Variants in WDR70 observed in about 807,000 individuals in gnomAD.
WDR70 encodes the protein WD repeat-containing protein 70.
Under a neutral mutation model 88.6 loss-of-function variants are expected in WDR70, and 53 were observed. That is an observed-to-expected ratio of 0.60 (90% confidence interval 0.48 to 0.75). The LOEUF (loss-of-function observed/expected upper bound fraction) is 0.75, where lower values mean the gene tolerates loss of function less well. Ranked by LOEUF, WDR70 falls within the 30% of genes least tolerant of loss-of-function variation. The pLI is 0.00. For synonymous variants in WDR70, 280 were observed against 270.0 expected, an observed-to-expected ratio of 1.04 and a Z score of -0.36; for missense variants, 610 against 823.2, an observed-to-expected ratio of 0.74 and a Z score of 3.17.
chr5:37,753,210 A>C lies in WDR70; in HGVS notation c.*637A>C, dbSNP rs1748861193. On this transcript the variant is annotated 3_prime_UTR_variant, in exon 18 of 18. Coordinates refer to ENST00000265107, the MANE Select transcript of WDR70 (RefSeq NM_018034.4). ...TTCTTTTCTAGCCTCAGATGATGAA[A>C]TAGTACGTACTTTGCAGGTTCGTCA... The C allele has an allele frequency of 6.6e-6, 1 of 152,314 alleles. No individual in the cohort carries two copies. The highest frequency in any genetic ancestry group is 1.5e-5 in the Non-Finnish European group (1 of 68,118). The allele number at this position is 152,314 out of a possible 1,614,324, so 9.4% of individuals were successfully genotyped here.
intron 9 of WDR70, among the ~76,000 whole-genome samples, chr5:37,587,948 G>T (rs528788525): frequency 6.6e-6 from 1 of 151,738 alleles, no homozygotes; most frequent in Non-Finnish European, 1.5e-5. Context: ...CCAGCTAATT[G>T]TCTCTACTAA....
chr5:37,565,310 A>C (rs1742705458), intron 9 of WDR70, among the ~76,000 whole-genome samples: 1 of 152,160 alleles, frequency 6.6e-6, no homozygotes, highest in African/African-American at 2.4e-5. Flanking sequence ...AAAATTCTAA[A>C]GTCTAAATAA....
At chr5:37,658,086 A>G (rs550480189) in intron 10 of WDR70, among the ~76,000 whole-genome samples, 1 of 152,320 alleles carries the variant, frequency 6.6e-6, no homozygotes, top group Admixed American at 6.5e-5. Context: ...TTAAGAAAAT[A>G]ATAAGGAAGA....
At chr5:37,537,871 A>T (rs964852345) in intron 9 of WDR70, among the ~76,000 whole-genome samples, 7 of 152,204 alleles carry the variant, frequency 4.6e-5, no homozygotes, top group African/African-American at 1.7e-4. Context: ...AACAACTAGC[A>T]TCTGATCAGG....
chr5:37,468,659 T>C (rs13166616), intron 7 of WDR70, among the ~76,000 whole-genome samples: 130,042 of 152,120 alleles, frequency 0.85, 59,216 homozygotes, highest in East Asian at 1. Context: ...GTTAACTATA[T>C]TCATCCTACT....
At chr5:37,437,827 A>G (rs574024187) in intron 5 of WDR70, 95 bp from the exon 6 acceptor site, 58 of 1,237,144 alleles carry the variant, frequency 4.7e-5, no homozygotes, top group Admixed American at 2.1e-4. Flanking sequence ...CCAATGATGC[A>G]ATTTTAAAAA....
At chr5:37,490,055 G>A (rs757716464) in intron 8 of WDR70, among the ~76,000 whole-genome samples, 7 of 152,164 alleles carry the variant, frequency 4.6e-5, no homozygotes, top group Admixed American at 1.3e-4. Flanking sequence ...TTCAGATGGC[G>A]TGCTATGGTG....
At chr5:37,487,339 A>G (rs1739903975) in intron 8 of WDR70, among the ~76,000 whole-genome samples, 1 of 152,022 alleles carries the variant, frequency 6.6e-6, no homozygotes, top group African/African-American at 2.4e-5. Context: ...ACTTGAAAGT[A>G]GTAGATTTCA....
chr5:37,614,982 A>G (rs1744293333), intron 10 of WDR70, among the ~76,000 whole-genome samples: 1 of 152,080 alleles, frequency 6.6e-6, no homozygotes, highest in Admixed American at 6.5e-5. Flanking sequence ...TAGTACAACC[A>G]AGAAACTAAA....
chr5:37,381,846 A>T, intron 3 of WDR70, 161 bp downstream of exon 3: 1 of 493,742 alleles, frequency 2.0e-6, no homozygotes, highest in East Asian at 5.2e-5. Context: ...CTGAGGTCAG[A>T]AGTTTGAGAC....
At chr5:37,657,210 C>T (rs1201999895) in intron 10 of WDR70, among the ~76,000 whole-genome samples, 1 of 152,194 alleles carries the variant, frequency 6.6e-6, no homozygotes, top group African/African-American at 2.4e-5. Context: ...TACCATTCCT[C>T]ACAGCAGGGT....
intron 9 of WDR70, among the ~76,000 whole-genome samples, chr5:37,519,092 A>G (rs1350063904): frequency 6.6e-6 from 1 of 152,212 alleles, no homozygotes; most frequent in East Asian, 1.9e-4. Flanking sequence ...ACTTCTTTCT[A>G]CATAGACACA....
chr5:37,679,951 C>T (rs1362049496), intron 10 of WDR70, among the ~76,000 whole-genome samples: 6 of 152,264 alleles, frequency 3.9e-5, no homozygotes, highest in African/African-American at 1.4e-4. Flanking sequence ...GGCGCCCCTC[C>T]CCCAGCCTCA....
intron 10 of WDR70, among the ~76,000 whole-genome samples, chr5:37,684,405 A>G (rs4869542): frequency 0.42 from 63,729 of 152,026 alleles, 15,327 homozygotes; most frequent in Non-Finnish European, 0.54. Flanking sequence ...CTTGCACTGG[A>G]TCTTTCTCAT....
intron 10 of WDR70, among the ~76,000 whole-genome samples, chr5:37,676,352 G>T (rs199596441): frequency 2.7e-4 from 41 of 152,016 alleles, no homozygotes; most frequent in African/African-American, 7.5e-4. Flanking sequence ...GTCCATTCAG[G>T]ATGATATTGG....
chr5:37,661,768 G>C (rs571601523), intron 10 of WDR70, among the ~76,000 whole-genome samples: 36 of 152,304 alleles, frequency 2.4e-4, no homozygotes, highest in African/African-American at 8.7e-4. Context: ...TCCATCAAGT[G>C]CAGGGTCTGC....
intron 13 of WDR70, among the ~76,000 whole-genome samples, chr5:37,705,393 G>T (rs1167248710): frequency 6.6e-6 from 1 of 152,098 alleles, no homozygotes; most frequent in Non-Finnish European, 1.5e-5. Context: ...TCTGAGAAAA[G>T]CTGGAAGACA....
intron 8 of WDR70, among the ~76,000 whole-genome samples, chr5:37,482,414 A>T (rs1164160431): frequency 1.3e-5 from 2 of 152,232 alleles, no homozygotes; most frequent in Non-Finnish European, 2.9e-5. Context: ...ATGGAAAAGC[A>T]TGTCTCACAT....
intron 10 of WDR70, among the ~76,000 whole-genome samples, chr5:37,675,821 G>C (rs1170285309): frequency 1.3e-5 from 2 of 151,962 alleles, no homozygotes; most frequent in Non-Finnish European, 2.9e-5. Flanking sequence ...AAATTACCTT[G>C]GGCAGTATGG....
Sources: allele counts gnomAD v4.1 joint callset (sites outside exome capture counted in the v4.1 genomes callset), GRCh38; gene constraint gnomAD v4.1.1; transcripts MANE v1.5; gene names NCBI Gene and HGNC (gene_info 2026-07-23, HGNC 2026-07-21).